Variants in THADA observed in about 807,000 individuals in gnomAD.
The protein encoded by THADA is tRNA (32-2'-O)-methyltransferase regulator THADA.
Under a neutral mutation model 219.8 loss-of-function variants are expected in THADA, and 213 were observed. That is an observed-to-expected ratio of 0.97 (90% CI 0.87 to 1.09). THADA has a LOEUF of 1.09. Ranked by LOEUF, THADA falls within the 50% of genes least tolerant of loss-of-function variation. The pLI, the probability that THADA is intolerant of heterozygous loss-of-function variation, is 0.00. For synonymous variants in THADA, 1,018 were observed against 828.9 expected (o/e 1.23, Z -3.92); for missense variants, 2,956 against 2,311.3 (o/e 1.28, Z -5.72).
intron 22 of THADA, 106 bp from the exon 23 acceptor site, chr2:43,508,886 T>G: frequency 9.1e-7 from 1 of 1,102,524 alleles, no homozygotes; most frequent in Non-Finnish European, 1.3e-6. Context: ...ATCCTTATAT[T>G]GAGTGGGGGT....
At chr2:43,436,008 G>A (rs984908087) in intron 26 of THADA, among the ~76,000 whole-genome samples, 1 of 151,898 alleles carries the variant, frequency 6.6e-6, no homozygotes, top group Non-Finnish European at 1.5e-5. Flanking sequence ...TTAGCCACCT[G>A]GATTCTCTTA....
At chr2:43,284,857 C>G (rs1244417022) in intron 35 of THADA, among the ~76,000 whole-genome samples, 1 of 152,240 alleles carries the variant, frequency 6.6e-6, no homozygotes, top group East Asian at 1.9e-4. Context: ...AGCCCACTCC[C>G]TGCATCAGCA....
intron 22 of THADA, among the ~76,000 whole-genome samples, chr2:43,510,713 G>A (rs945933600): frequency 1.3e-5 from 2 of 150,074 alleles, no homozygotes; most frequent in Non-Finnish European, 3.0e-5. Flanking sequence ...GCTCACACCT[G>A]TAATCCCAGC....
rs150512503 is a variant in THADA, at chr2:43,294,198, G to C, written c.4439-985C>G. Among the ~76,000 whole-genome samples, 199 of 152,150 alleles carry C rather than the reference G, an allele frequency of 1.3e-3. 1 individual carries two copies. The highest frequency in any genetic ancestry group is 4.6e-3 in the African/African-American group (192 of 41,484). On this transcript the variant is annotated intron_variant, in intron 31 of 37. Transcript: ENST00000405975. Reference sequence around the variant, plus strand: ...TTGCCGAGATCTTTTCATATTCTCAGTTCTGATTAAAAAAATAAAAAAACC... The same window carrying C: ...TTGCCGAGATCTTTTCATATTCTCACTTCTGATTAAAAAAATAAAAAAACC...
intron 5 of THADA, 23 bp from the exon 6 acceptor site, chr2:43,586,757 T>C (rs1314002518): frequency 6.2e-7 from 1 of 1,611,638 alleles, no homozygotes; most frequent in Non-Finnish European, 8.5e-7. Flanking sequence ...AAATGAACAC[T>C]GGTAAGGAGT....
chr2:43,342,381 G>T (rs1030283892), intron 30 of THADA, among the ~76,000 whole-genome samples: 3 of 152,200 alleles, frequency 2.0e-5, no homozygotes, highest in African/African-American at 4.8e-5. Flanking sequence ...TCCACCGCTG[G>T]CTCCTTCACC....
intron 31 of THADA, among the ~76,000 whole-genome samples, chr2:43,317,327 T>C (rs1212982559): frequency 2.0e-5 from 3 of 152,234 alleles, no homozygotes; most frequent in African/African-American, 4.8e-5. Flanking sequence ...GCTGTTACTA[T>C]TCTAAAAACT....
In THADA at chr2:43,316,852, G is replaced by A. The variant is rs76024715; in HGVS notation, c.4438+3594C>T. ...TGAGGCAGAAGAGTTGCTTGAACCC[G>A]GGACACGGAAGTTTTGGTAAGCCGA... On this transcript the variant is annotated intron_variant, in intron 31 of 37. Coordinates refer to ENST00000405975, the MANE Select transcript of THADA (RefSeq NM_022065.5). 1.4e-3 allele frequency among the ~76,000 whole-genome samples: 206 copies of A among 152,262 alleles called. 3 individuals are homozygous for A. In the East Asian group the frequency reaches 0.036, roughly 27 times the overall value.
intron 8 of THADA, among the ~76,000 whole-genome samples, chr2:43,579,354 G>T (rs974382521): frequency 4.6e-5 from 7 of 152,178 alleles, no homozygotes; most frequent in African/African-American, 1.7e-4. Context: ...ATGTAGGTAA[G>T]TGCTAATTAC....
intron 36 of THADA, among the ~76,000 whole-genome samples, chr2:43,243,040 C>T (rs142432603): frequency 6.6e-4 from 101 of 152,226 alleles, no homozygotes; most frequent in Non-Finnish European, 1.5e-4. Flanking sequence ...GAGGAGTTGG[C>T]GGTATTTCTT....
At chr2:43,559,344 G>A (rs994039527) in intron 16 of THADA, among the ~76,000 whole-genome samples, 1 of 152,118 alleles carries the variant, frequency 6.6e-6, no homozygotes, top group Non-Finnish European at 1.5e-5. Flanking sequence ...GTTCTACATA[G>A]CCATCTAGAA....
intron 26 of THADA, among the ~76,000 whole-genome samples, chr2:43,444,570 T>G (rs1305430380): frequency 6.6e-6 from 1 of 152,190 alleles, no homozygotes; most frequent in Non-Finnish European, 1.5e-5. Flanking sequence ...AGAAAAAATT[T>G]AAACCAAGCT....
chr2:43,240,235 G>A (rs1488807730), intron 36 of THADA, among the ~76,000 whole-genome samples: 1 of 152,210 alleles, frequency 6.6e-6, no homozygotes, highest in East Asian at 1.9e-4. Context: ...GGGAGGACTG[G>A]AGGCGAGGCC....
chr2:43,548,883 C>T (rs929262957), intron 20 of THADA, among the ~76,000 whole-genome samples: 6 of 152,212 alleles, frequency 3.9e-5, no homozygotes, highest in South Asian at 2.1e-4. Context: ...CACTGTCCTG[C>T]GCCCACTGTC....
At chr2:43,294,666 T>C (rs1675150395) in intron 31 of THADA, among the ~76,000 whole-genome samples, 1 of 152,188 alleles carries the variant, frequency 6.6e-6, no homozygotes, top group Admixed American at 6.5e-5. Flanking sequence ...TGAAGTGCTC[T>C]TATCGTTGAG....
At chr2:43,275,012 T>C (rs1466775771) in intron 36 of THADA, among the ~76,000 whole-genome samples, 1 of 149,644 alleles carries the variant, frequency 6.7e-6, no homozygotes, top group Admixed American at 6.6e-5. Context: ...TTTTTTTTTT[T>C]TTGAGGGAGT....
intron 29 of THADA, among the ~76,000 whole-genome samples, chr2:43,386,582 C>A (rs562248277): frequency 6.6e-6 from 1 of 152,096 alleles, no homozygotes; most frequent in East Asian, 1.9e-4. Context: ...TATTTAAGGT[C>A]CTTTAAAAAA....
At chr2:43,321,439 C>T (rs976114790) in intron 30 of THADA, among the ~76,000 whole-genome samples, 5 of 152,146 alleles carry the variant, frequency 3.3e-5, no homozygotes, top group African/African-American at 1.2e-4. Context: ...AAATGTAATG[C>T]TATTGTAACA....
intron 36 of THADA, among the ~76,000 whole-genome samples, chr2:43,268,846 G>A (rs1334747805): frequency 1.3e-5 from 2 of 152,202 alleles, no homozygotes; most frequent in African/African-American, 2.4e-5. Context: ...GCCAGTGCTG[G>A]CTGGGGTGCT....
Sources: gnomAD v4.1 joint callset for allele counts (sites outside exome capture counted in the v4.1 genomes callset) on GRCh38, gnomAD v4.1.1 for gene constraint, MANE v1.5 for transcripts, NCBI Gene and HGNC (gene_info 2026-07-23, HGNC 2026-07-21) for gene names.